Variants in CDH3 observed in about 807,000 individuals in gnomAD.
CDH3 encodes the protein cadherin-3.
CDH3 carries 54 observed loss-of-function variants against 82.0 expected under a neutral mutation model. That is an observed-to-expected ratio of 0.66 (90% CI 0.53 to 0.83). CDH3 has a LOEUF of 0.83. Among genes scored for constraint, CDH3 ranks in the 40% least tolerant of loss-of-function variants. The pLI, the probability that CDH3 is intolerant of heterozygous loss-of-function variation, is 0.00. For synonymous variants in CDH3, 446 were observed against 437.9 expected (o/e 1.02, Z -0.23); for missense variants, 1,054 against 1,084.6 (o/e 0.97, Z 0.40).
At chr16:68,730,511 G>A (rs1962272292), downstream of CDH3, among the ~76,000 whole-genome samples, 2 of 152,266 alleles carry the variant, frequency 1.3e-5, no homozygotes, top group Admixed American at 1.3e-4. Context: ...GGCAACAAGA[G>A]TGAAACTCTG....
Position 68,691,944 on chromosome 16 carries a change from A to G in CDH3, c.2002+18A>G, listed in dbSNP as rs374539397. The G allele has an allele frequency of 5.2e-5, 83 of 1,597,800 alleles. No individual in the cohort carries two copies. Among genetic ancestry groups the G allele is most frequent in the Non-Finnish European group, 6.5e-5 (76 of 1,167,996 alleles). ...TCTGCTGTGTGAGTACCAGGCCCCC[A>G]CCCCCTCCCTGAGGATGGGGGAGTT... On this transcript the variant is annotated intron_variant, in intron 13 of 15. Coordinates refer to ENST00000264012, the MANE Select transcript of CDH3 (RefSeq NM_001793.6).
intron 1 of CDH3, among the ~76,000 whole-genome samples, chr16:68,720,278 G>A (rs894121676): frequency 1.3e-5 from 2 of 151,224 alleles, no homozygotes; most frequent in African/African-American, 2.4e-5. Context: ...AAAAAAAAAA[G>A]AGAAAGAAAG....
At chr16:68,686,671 A>G (rs1321310222) in intron 11 of CDH3, 3 of 815,346 alleles carry the variant, frequency 3.7e-6, no homozygotes, top group Non-Finnish European at 6.5e-6. Flanking sequence ...ACATTCTTGG[A>G]AAGTACGTAG....
Position 68,712,032 on chromosome 16 carries a change from G to GTTTTTTTTTTT in CDH3, c.100-10389_100-10388insTTTTTTTTTTT. 5.7e-4 allele frequency among the ~76,000 whole-genome samples: 49 copies of GTTTTTTTTTTT among 86,062 alleles called. 1 individual carries two copies. The highest frequency in any genetic ancestry group is 1.9e-3 in the African/African-American group (44 of 23,242). The allele number at this position is 86,062 out of a possible 152,430, so 56.5% of individuals were successfully genotyped here. On this transcript the variant is annotated intron_variant, in intron 1 of 2. Coordinates refer to the CDH3 transcript ENST00000569080. The stretch of plus-strand genomic sequence containing the variant: ...TTTTGTTTGTTTCTTGGGTTTTTTT[G>GTTTTTTTTTTT]TTTTCTTTTTTTTTTTTTTTTTTGA...
At chr16:68,675,783 ACT>A (rs1234568306) in intron 2 of CDH3, among the ~76,000 whole-genome samples, 1 of 149,016 alleles carries the variant, frequency 6.7e-6, no homozygotes, top group African/African-American at 2.5e-5. Flanking sequence ...ACAGAGCAAG[ACT>A]CTGCCTCGAA....
At chr16:68,650,058 C>T (rs112210230) in intron 2 of CDH3, among the ~76,000 whole-genome samples, 30 of 151,832 alleles carry the variant, frequency 2.0e-4, no homozygotes, top group African/African-American at 7.0e-4. Context: ...AACCTGAGGA[C>T]CACAGTAGGG....
At chr16:68,684,887 G>A in intron 10 of CDH3, 63 bp downstream of exon 10, 1 of 1,596,684 alleles carries the variant, frequency 6.3e-7, no homozygotes, top group Admixed American at 1.7e-5. Flanking sequence ...GGGTGATCAT[G>A]GCCAACGTTT....
intron 1 of CDH3, among the ~76,000 whole-genome samples, chr16:68,717,378 G>T (rs768868175): frequency 2.0e-5 from 3 of 152,192 alleles, no homozygotes; most frequent in Admixed American, 2.0e-4. Context: ...TTATAAAATG[G>T]TATGGCCACA....
In CDH3 at chr16:68,691,772, C is replaced by T. The variant is rs768811436; in HGVS notation, c.1848C>T (p.Asp616=). The change falls in exon 13 of 16, where the codon GAC becomes GAT. Residue 616 remains aspartate, a synonymous_variant. Transcript: ENST00000264012. ...LKKFLKQDTY[D]VHLSLSDHGN... is the part of the protein sequence containing the mutation. ...AGTTCCTGAAGCAGGATACATATGA[C>T]GTGCACCTTTCTCTGTCTGACCATG... The T allele has an allele frequency of 1.4e-5, 23 of 1,614,062 alleles. No homozygotes were observed. Among genetic ancestry groups the T allele is most frequent in the Middle Eastern group, 1.6e-4 (1 of 6,084 alleles).
intron 12 of CDH3, among the ~76,000 whole-genome samples, chr16:68,689,544 TAAAA>T (rs1195113606): frequency 1.1e-5 from 1 of 91,160 alleles, no homozygotes; most frequent in Admixed American, 1.0e-4. Context: ...TCAGAAAAAT[TAAAA>T]AAAAAAAAGA....
intron 13 of CDH3, among the ~76,000 whole-genome samples, chr16:68,693,097 C>G (rs1597818457): frequency 6.6e-6 from 1 of 152,164 alleles, no homozygotes; most frequent in Non-Finnish European, 1.5e-5. Flanking sequence ...GGGCGAGACT[C>G]TGTCTTTAGA....
At chr16:68,682,515 G>A (rs775863142) in intron 9 of CDH3, 28 bp downstream of exon 9, 68 of 1,608,462 alleles carry the variant, frequency 4.2e-5, no homozygotes, top group Non-Finnish European at 5.7e-5. Context: ...TCAGACAATG[G>A]CTATACCTGG....
At chr16:68,717,400 G>C (rs951229299) in intron 1 of CDH3, among the ~76,000 whole-genome samples, 6 of 152,200 alleles carry the variant, frequency 3.9e-5, no homozygotes, top group African/African-American at 1.4e-4. Flanking sequence ...CTGTGGCCTA[G>C]ATGTGTTTGT....
At chr16:68,656,401 A>G (rs1056777270) in intron 2 of CDH3, among the ~76,000 whole-genome samples, 1 of 152,140 alleles carries the variant, frequency 6.6e-6, no homozygotes. Context: ...GGCATTGCCA[A>G]CCCAGGCAGC....
intron 2 of CDH3, among the ~76,000 whole-genome samples, chr16:68,723,546 A>C (rs999680761): frequency 2.0e-5 from 3 of 152,180 alleles, no homozygotes; most frequent in Admixed American, 1.3e-4. Context: ...ACAGAAGATA[A>C]ATTGAGAGTT....
chr16:68,729,975 C>T (rs1231242729), downstream of CDH3, among the ~76,000 whole-genome samples: 1 of 152,158 alleles, frequency 6.6e-6, no homozygotes, highest in African/African-American at 2.4e-5. Context: ...TAGCTCATGC[C>T]TGTAATCCCA....
rs957600281 is a variant in CDH3, at chr16:68,707,946, C to T, written c.99+12023C>T. ...CATCCGGTAAACCACGGCCAGCCCA[C>T]AGCTGACAGGGCAGGGCGCTGAGAC... On this transcript the variant is annotated intron_variant, in intron 1 of 2. Coordinates refer to the CDH3 transcript ENST00000569080. This position sits in a 1 kb window ranked among gnomAD's most constrained non-coding sequence, Gnocchi z 4.5. Among the ~76,000 whole-genome samples, 1 of 152,122 alleles carries T rather than the reference C, an allele frequency of 6.6e-6. No individual in the cohort carries two copies. The highest frequency in any genetic ancestry group is 1.5e-5 in the Non-Finnish European group (1 of 68,024).
intron 12 of CDH3, among the ~76,000 whole-genome samples, chr16:68,688,377 C>T (rs1436029653): frequency 2.0e-5 from 3 of 151,954 alleles, no homozygotes; most frequent in African/African-American, 7.2e-5. Context: ...GTCACCAGGT[C>T]AGGAGTTCGA....
chr16:68,718,550 C>T (rs563756690), intron 1 of CDH3, among the ~76,000 whole-genome samples: 12 of 152,020 alleles, frequency 7.9e-5, no homozygotes, highest in Non-Finnish European at 1.5e-4. Context: ...GGTGTGGTGG[C>T]GCATGCCTGT....
Sources: allele counts gnomAD v4.1 joint callset (sites outside exome capture counted in the v4.1 genomes callset), GRCh38; gene constraint gnomAD v4.1.1; non-coding constraint Gnocchi (gnomAD v3.1); transcripts MANE v1.5; gene names NCBI Gene and HGNC (gene_info 2026-07-23, HGNC 2026-07-21).